Variants in ACACA observed in about 807,000 individuals in gnomAD.
ACACA encodes the protein acetyl-CoA carboxylase 1.
In ACACA, 103 loss-of-function variants were observed where a neutral mutation model predicts 296.1. That is an observed-to-expected ratio of 0.35 (90% CI 0.30 to 0.41). The LOEUF (loss-of-function observed/expected upper bound fraction) is 0.41, where lower values mean the gene tolerates loss of function less well. Among genes scored for constraint, ACACA ranks in the 10% least tolerant of loss-of-function variants. ACACA has a pLI of 1.00. For missense variants in ACACA, 1,554 were observed against 2,989.7 expected (o/e 0.52, Z 11.20); for synonymous variants, 953 against 1,038.6 (o/e 0.92, Z 1.58).
At chr17:37,145,561 A>G (rs920875028) in intron 45 of ACACA, among the ~76,000 whole-genome samples, 10 of 152,314 alleles carry the variant, frequency 6.6e-5, no homozygotes, top group Admixed American at 4.6e-4. Flanking sequence ...ACAGACCACT[A>G]AGCAAAGAGG....
At chr17:37,299,320 G>A (rs1412998426) in intron 3 of ACACA, 2 of 1,613,742 alleles carry the variant, frequency 1.2e-6, no homozygotes, top group Non-Finnish European at 1.7e-6. Flanking sequence ...TTTTCCTCTG[G>A]AGAACCCTCC....
chr17:37,353,275 C>T (rs1023109589), intron 1 of ACACA, among the ~76,000 whole-genome samples: 2 of 152,060 alleles, frequency 1.3e-5, no homozygotes, highest in African/African-American at 4.8e-5. Context: ...TCCTATCAAC[C>T]TACTATTCCA....
At chr17:37,402,834 G>T (rs893876771) in intron 1 of ACACA, among the ~76,000 whole-genome samples, 1 of 151,928 alleles carries the variant, frequency 6.6e-6, no homozygotes, top group Non-Finnish European at 1.5e-5. Context: ...CACCACGCCC[G>T]GCTAATTTTT....
intron 41 of ACACA, among the ~76,000 whole-genome samples, chr17:37,165,506 T>C (rs149921260): frequency 6.6e-6 from 1 of 152,236 alleles, no homozygotes; most frequent in African/African-American, 2.4e-5. Flanking sequence ...ATCTACTATA[T>C]TAACTTCTAC....
chr17:37,289,628 ATACCATGTGCT>A, intron 3 of ACACA: 1 of 604,030 alleles, frequency 1.7e-6, no homozygotes, highest in Non-Finnish European at 3.0e-6. Context: ...TACCTAACCA[ATACCATGTGCT>A]CTCCGGCAGT....
chr17:37,389,126 A>G (rs2050677202), intron 1 of ACACA: 1 of 1,303,724 alleles, frequency 7.7e-7, no homozygotes, highest in East Asian at 2.5e-5. Context: ...TAGGTCCAAT[A>G]GGACTGAATA....
rs937117663 is a variant in ACACA, at chr17:37,205,657, G to A, written c.4056+108C>T. 4 of 886,054 alleles carry A rather than the reference G, an allele frequency of 4.5e-6. No individual in the cohort carries two copies. The South Asian group carries it at 5.3e-5, about 12-fold the overall frequency. 54.9% of individuals were successfully genotyped at this position (886,054 alleles called of 1,614,324 possible). A position where few individuals can be genotyped will look rare whatever the true frequency, so the allele number is the denominator to read the frequency against. On this transcript the variant is annotated intron_variant, in intron 33 of 55. Transcript: ENST00000616317. ...TGCAGAACTAGCCATAGTTCTGAGA[G>A]TTATGATAAAAGACATAGCCATAAA... is the stretch of plus-strand genomic sequence containing the variant.
intron 1 of ACACA, among the ~76,000 whole-genome samples, chr17:37,346,315 T>TTA (rs2048614970): frequency 1.0e-5 from 1 of 99,946 alleles, no homozygotes; most frequent in African/African-American, 5.9e-5. Context: ...AGACTCTCTC[T>TTA]CAAAAAAAAA....
At position 37,259,540 on chromosome 17, in the gene ACACA, G is replaced by A; in HGVS notation, c.1330-10C>T. The A allele has an allele frequency of 6.2e-7, 1 of 1,614,148 alleles. No homozygotes were observed. Among genetic ancestry groups the A allele is most frequent in the Non-Finnish European group, 8.5e-7 (1 of 1,180,010 alleles). ...CAAGTTTCACCGCACACTCAAAGAAGAGAGATAAGCAAACATAAGTATCTC... is the reference window on the plus strand; with the variant it reads ...CAAGTTTCACCGCACACTCAAAGAAAAGAGATAAGCAAACATAAGTATCTC... On this transcript the variant is annotated splice_polypyrimidine_tract_variant and intron_variant, in intron 11 of 55. Coordinates refer to ENST00000616317, the MANE Select transcript of ACACA (RefSeq NM_198834.3).
At chr17:37,115,485 A>G (rs1309194949) in intron 50 of ACACA, among the ~76,000 whole-genome samples, 1 of 152,218 alleles carries the variant, frequency 6.6e-6, no homozygotes, top group Admixed American at 6.5e-5. Context: ...AAGACAGCAC[A>G]AAAAGTCATT....
At chr17:37,334,563 A>G (rs146812118) in intron 2 of ACACA, among the ~76,000 whole-genome samples, 192 of 145,686 alleles carry the variant, frequency 1.3e-3, no homozygotes, top group African/African-American at 4.6e-3. Context: ...AAGGAACTCA[A>G]AAATCCATGA....
chr17:37,300,587 A>G lies in ACACA; in HGVS notation c.339-15617T>C, dbSNP rs761397477. Among the ~76,000 whole-genome samples the G allele has an allele frequency of 7.2e-5, 11 of 152,224 alleles. 1 individual carries two copies. Among genetic ancestry groups the G allele is most frequent in the Non-Finnish European group, 1.0e-4 (7 of 68,042 alleles). ...ATTAAGCTTCCAGAAAAACCTTCAA[A>G]AACAGAAGTACACAAATGACCTGGA... On this transcript the variant is annotated intron_variant, in intron 3 of 55. Coordinates refer to ENST00000616317, the MANE Select transcript of ACACA (RefSeq NM_198834.3).
At chr17:37,215,938 CAAT>C (rs550432790) in intron 29 of ACACA, among the ~76,000 whole-genome samples, 15 of 151,874 alleles carry the variant, frequency 9.9e-5, no homozygotes, top group Non-Finnish European at 1.6e-4. Context: ...GAAGTCTGCA[CAAT>C]AATAAAATGC....
chr17:37,328,346 C>T (rs1395781365), intron 3 of ACACA, among the ~76,000 whole-genome samples: 1 of 152,062 alleles, frequency 6.6e-6, no homozygotes, highest in Admixed American at 6.6e-5. Context: ...ATAGGAGGAT[C>T]GCTTGAGGCC....
At position 37,235,082 on chromosome 17, in the gene ACACA, C is replaced by G. The variant is rs2080045531; in HGVS notation, c.3139G>C (p.Val1047Leu). ...TTATTCTCTTCTCGGAGGGCGAATA[C>G]ACATTTGTCATAGTGACCTGCACAC... ...QFQNGHYDKC[V>L]FALREENKSD... Residue 1047 changes from valine to leucine, a missense_variant, in exon 25 of 56, where the codon GTA becomes CTA. Around this residue, in one of 16 missense-constraint regions of ACACA, gnomAD observed 316 missense variants for 540.9 expected, o/e 0.58. Transcript: ENST00000616317. The G allele has an allele frequency of 6.2e-7, 1 of 1,613,368 alleles. No homozygotes were observed. The highest frequency in any genetic ancestry group is 1.7e-5 in the Admixed American group (1 of 59,970).
intron 48 of ACACA, chr17:37,122,891 G>A: frequency 1.8e-6 from 1 of 550,514 alleles, no homozygotes; most frequent in South Asian, 2.0e-5. Flanking sequence ...GGCTGTTCTA[G>A]GGGAGCCTCT....
At position 37,244,645 on chromosome 17, in the gene ACACA, A is replaced by C. The variant is rs373046532; in HGVS notation, c.2685T>G (p.Asp895Glu). 1 of 1,614,214 alleles carries C rather than the reference A, an allele frequency of 6.2e-7. No individual in the cohort carries two copies. The highest frequency in any genetic ancestry group is 8.5e-7 in the Non-Finnish European group (1 of 1,180,032). ...KLHRVFHYVL[D>E]NLVNVMNGYC... ...ATCCATTCATTACATTGACCAGATT[A>C]TCCAGGACATAATGGAACACTCGAT... The change falls in exon 21 of 56, where the codon GAT becomes GAG. Residue 895 changes from aspartate (D) to glutamate (E), a missense_variant. Asp to Glu is a conservative substitution (Grantham distance 45). Coordinates refer to ENST00000616317, the MANE Select transcript of ACACA (RefSeq NM_198834.3).
intron 3 of ACACA, among the ~76,000 whole-genome samples, chr17:37,286,636 C>T (rs1040159538): frequency 2.0e-5 from 3 of 152,164 alleles, no homozygotes; most frequent in Non-Finnish European, 2.9e-5. Context: ...TAGCTTCTTT[C>T]AACAGTCTGG....
chr17:37,206,954 T>C, intron 31 of ACACA, 75 bp from the exon 32 acceptor site: 1 of 1,261,752 alleles, frequency 7.9e-7, no homozygotes, highest in Non-Finnish European at 1.2e-6. Flanking sequence ...GGCAGCTGAG[T>C]CTAAAAGAAT....
Sources: allele counts gnomAD v4.1 joint callset (sites outside exome capture counted in the v4.1 genomes callset), GRCh38; gene constraint gnomAD v4.1.1; regional missense constraint gnomAD v4.1.1; transcripts MANE v1.5; gene names NCBI Gene and HGNC (gene_info 2026-07-23, HGNC 2026-07-21).